MEOX2: variants seen among roughly 807,000 people sequenced by gnomAD.
MEOX2 encodes the protein mesenchyme homeobox 2, also known as homeobox protein MOX-2.
In MEOX2, 11 loss-of-function variants were observed where a neutral mutation model predicts 27.0. The observed-to-expected ratio is 0.41, with a 90% CI of 0.26 to 0.68. The LOEUF is 0.68. Ranked by LOEUF, MEOX2 falls within the 30% of genes least tolerant of loss-of-function variation. MEOX2 has a pLI of 0.33. For missense variants in MEOX2, 436 were observed against 385.4 expected (o/e 1.13, Z -1.10); for synonymous variants, 189 against 155.4 (o/e 1.22, Z -1.61).
At chr7:15,667,791 A>C (rs1782033090) in intron 1 of MEOX2, among the ~76,000 whole-genome samples, 1 of 152,156 alleles carries the variant, frequency 6.6e-6, no homozygotes, top group African/African-American at 2.4e-5. Context: ...TAAAAGGAGA[A>C]AGTTTTTACA....
At chr7:15,615,426 T>G (rs10950573) in intron 2 of MEOX2, among the ~76,000 whole-genome samples, 101,827 of 151,398 alleles carry the variant, frequency 0.67, 34,462 homozygotes, top group East Asian at 0.81. Flanking sequence ...AAAGCATTTG[T>G]AATAAAAAAA....
chr7:15,665,802 C>T (rs573656963), intron 1 of MEOX2, among the ~76,000 whole-genome samples: 5 of 152,266 alleles, frequency 3.3e-5, no homozygotes, highest in South Asian at 4.2e-4. Flanking sequence ...TTGCTGAAAG[C>T]GCGCAGCTGA....
chr7:15,663,367 C>A (rs1781946294), intron 1 of MEOX2, among the ~76,000 whole-genome samples: 1 of 150,786 alleles, frequency 6.6e-6, no homozygotes, highest in Non-Finnish European at 1.5e-5. Flanking sequence ...GAGTCTCACT[C>A]AGTCACCCAA....
At chr7:15,618,019 A>G (rs1420970313) in intron 2 of MEOX2, among the ~76,000 whole-genome samples, 1 of 152,092 alleles carries the variant, frequency 6.6e-6, no homozygotes, top group Non-Finnish European at 1.5e-5. Flanking sequence ...CACAGGCACA[A>G]TTATGAGCCA....
intron 1 of MEOX2, among the ~76,000 whole-genome samples, chr7:15,659,452 G>C (rs2115382437): frequency 6.6e-6 from 1 of 152,192 alleles, no homozygotes; most frequent in South Asian, 2.1e-4. Context: ...TCTAAACCCA[G>C]AATTTTAAGC....
At chr7:15,648,148 T>C (rs769548786) in intron 1 of MEOX2, among the ~76,000 whole-genome samples, 5 of 152,066 alleles carry the variant, frequency 3.3e-5, no homozygotes, top group East Asian at 1.9e-4. Context: ...TAGACAAGCT[T>C]TACGTGTTTT....
intron 1 of MEOX2, among the ~76,000 whole-genome samples, chr7:15,652,513 A>G (rs764941498): frequency 2.0e-5 from 3 of 152,228 alleles, no homozygotes; most frequent in African/African-American, 7.2e-5. Context: ...AGTATAAAGC[A>G]TATCATGGCC....
intron 1 of MEOX2, 144 bp from the exon 2 acceptor site, chr7:15,627,062 G>C: frequency 1.5e-6 from 1 of 660,000 alleles, no homozygotes; most frequent in Non-Finnish European, 2.5e-6. Flanking sequence ...CAAGACTGAC[G>C]GCAGCTCAAC....
At chr7:15,647,002 A>T (rs1781661112) in intron 1 of MEOX2, among the ~76,000 whole-genome samples, 1 of 151,996 alleles carries the variant, frequency 6.6e-6, no homozygotes. Flanking sequence ...CTCCCCCAAG[A>T]AACAAATATA....
intron 1 of MEOX2, chr7:15,680,459 A>G (rs952958717): frequency 3.3e-5 from 5 of 152,030 alleles, no homozygotes; most frequent in African/African-American, 7.2e-5. Context: ...GTTTTACTAC[A>G]TTAAAACACA....
At position 15,686,162 on chromosome 7, in the gene MEOX2, G is replaced by A; in HGVS notation, c.241C>T (p.Gln81Ter). The A allele has an allele frequency of 6.5e-7, 1 of 1,536,308 alleles. No homozygotes were observed. Among genetic ancestry groups the A allele is most frequent in the Non-Finnish European group, 8.7e-7 (1 of 1,149,712 alleles). The change falls in exon 1 of 3, where the codon CAG (glutamine) becomes TAG (stop). Residue 81 changes from glutamine to a stop codon, truncating the protein, a stop_gained. Transcript: ENST00000262041. LOFTEE classifies it high-confidence loss of function. Reference sequence around the variant, plus strand: ...TGCAGAGCCTGGTGCTGCTGCTGCTGATGGTGGTGATGGTGGTGGTGGTGG... The same window carrying A: ...TGCAGAGCCTGGTGCTGCTGCTGCTAATGGTGGTGATGGTGGTGGTGGTGG... The part of the protein sequence containing the change: ...HHHHHHHHHH[Q>*]QQQHQALQTN...
chr7:15,639,061 T>C (rs918129363), intron 1 of MEOX2, among the ~76,000 whole-genome samples: 1 of 152,120 alleles, frequency 6.6e-6, no homozygotes, highest in African/African-American at 2.4e-5. Flanking sequence ...CCATACTGTT[T>C]TCTATAGGAT....
intron 2 of MEOX2, among the ~76,000 whole-genome samples, chr7:15,615,691 C>T (rs532387639): frequency 6.6e-6 from 1 of 152,050 alleles, no homozygotes; most frequent in East Asian, 1.9e-4. Flanking sequence ...CTTCTCTCTA[C>T]CTCAATTTTC....
At chr7:15,654,716 A>C (rs1245491181) in intron 1 of MEOX2, among the ~76,000 whole-genome samples, 2 of 151,804 alleles carry the variant, frequency 1.3e-5, no homozygotes, top group Non-Finnish European at 3.0e-5. Flanking sequence ...ATATTTAATC[A>C]GCCTTGCAAC....
chr7:15,630,109 G>C (rs1456612606), intron 1 of MEOX2, among the ~76,000 whole-genome samples: 2 of 151,964 alleles, frequency 1.3e-5, no homozygotes, highest in African/African-American at 4.8e-5. Context: ...TTTCGTCTCA[G>C]ATACTTTAAT....
intron 1 of MEOX2, among the ~76,000 whole-genome samples, chr7:15,630,233 C>A (rs987269814): frequency 6.6e-6 from 1 of 152,056 alleles, no homozygotes; most frequent in Non-Finnish European, 1.5e-5. Flanking sequence ...TGGGACTACG[C>A]TAATGGAAGA....
chr7:15,667,419 T>G (rs543808747), intron 1 of MEOX2, among the ~76,000 whole-genome samples: 1 of 151,422 alleles, frequency 6.6e-6, no homozygotes, highest in South Asian at 2.1e-4. Flanking sequence ...TATTATACCC[T>G]CTGTCACAGA....
chr7:15,671,773 T>C (rs1782100874), intron 1 of MEOX2, among the ~76,000 whole-genome samples: 1 of 152,164 alleles, frequency 6.6e-6, no homozygotes, highest in Admixed American at 6.5e-5. Flanking sequence ...TTGGTCAATT[T>C]GGGCTGGGCA....
chr7:15,632,312 A>T (rs535076954), intron 1 of MEOX2, among the ~76,000 whole-genome samples: 2 of 151,822 alleles, frequency 1.3e-5, no homozygotes, highest in Non-Finnish European at 2.9e-5. Context: ...GTGCCCATCA[A>T]TATATGAATT....
Sources: gnomAD v4.1 joint callset for allele counts (sites outside exome capture counted in the v4.1 genomes callset) on GRCh38, gnomAD v4.1.1 for gene constraint, MANE v1.5 for transcripts, NCBI Gene and HGNC (gene_info 2026-07-23, HGNC 2026-07-21) for gene names.